The following IFT140 variants were observed in gnomAD, a reference collection of about 807,000 sequenced individuals.
The protein encoded by IFT140 is intraflagellar transport protein 140 homolog.
IFT140 carries 133 observed loss-of-function variants against 164.6 expected under a neutral mutation model. The observed-to-expected ratio is 0.81, with a 90% CI of 0.70 to 0.93. The LOEUF (loss-of-function observed/expected upper bound fraction) is 0.93, where lower values mean the gene tolerates loss of function less well. Ranked by LOEUF, IFT140 falls within the 40% of genes least tolerant of loss-of-function variation. The pLI, the probability that IFT140 is intolerant of heterozygous loss-of-function variation, is 0.00. For missense variants in IFT140, 2,045 were observed against 1,972.3 expected (o/e 1.04, Z -0.70); for synonymous variants, 860 against 817.3 (o/e 1.05, Z -0.89).
chr16:1,540,409 G>A (rs914933940), intron 19 of IFT140, among the ~76,000 whole-genome samples: 5 of 152,224 alleles, frequency 3.3e-5, no homozygotes, highest in Non-Finnish European at 4.4e-5. Context: ...TGATGCCAGC[G>A]TGCCTGCCCC....
chr16:1,589,699 A>T lies in IFT140; in HGVS notation c.716T>A (p.Met239Lys). ...ADSTIQMLFY[M>K]EKREALVVVT... ...CACCACCAGTGCCTCCCTCTTCTCC[A>T]TGTAGAACAGCATCTGAATCGTGCT... The change falls in exon 7 of 31, where the codon ATG (methionine) becomes AAG (lysine). Residue 239 changes from methionine (M) to lysine (K), a missense_variant. Physicochemically the swap from Met to Lys is moderately conservative, Grantham distance 95. Coordinates refer to ENST00000426508, the MANE Select transcript of IFT140 (RefSeq NM_014714.4). 1 of 1,614,056 alleles carries T rather than the reference A, an allele frequency of 6.2e-7. No homozygotes were observed. The highest frequency in any genetic ancestry group is 8.5e-7 in the Non-Finnish European group (1 of 1,180,008).
At chr16:1,607,924 C>T (rs1205204417) in intron 2 of IFT140, among the ~76,000 whole-genome samples, 2 of 152,164 alleles carry the variant, frequency 1.3e-5, no homozygotes. Context: ...GGATTACAGC[C>T]GTGGGCCACC....
intron 13 of IFT140, among the ~76,000 whole-genome samples, chr16:1,573,150 T>C (rs572593465): frequency 6.6e-6 from 1 of 152,168 alleles, no homozygotes. Context: ...TATTCCAAGC[T>C]GAGGAAGCTC....
At chr16:1,523,336 G>A (rs1413967952) in intron 26 of IFT140, among the ~76,000 whole-genome samples, 182 bp downstream of exon 26, 1 of 150,826 alleles carries the variant, frequency 6.6e-6, no homozygotes, top group Non-Finnish European at 1.5e-5. Flanking sequence ...GAAGGATGGC[G>A]AGTCTACACT....
chr16:1,553,521 CA>C lies in IFT140; in HGVS notation c.2399+4413del, dbSNP rs1249920766. 3.0e-6 allele frequency: 3 copies of C among 993,576 alleles called. No homozygotes were observed. The Admixed American group carries it at 1.7e-4, about 55-fold the overall frequency. 61.5% of individuals were successfully genotyped at this position (993,576 alleles called of 1,614,324 possible). On this transcript the variant is annotated intron_variant, in intron 19 of 30. Coordinates refer to ENST00000426508, the MANE Select transcript of IFT140 (RefSeq NM_014714.4). This position sits in a 1 kb window ranked among gnomAD's most constrained non-coding sequence, Gnocchi z 4.4. Reference sequence around the variant, plus strand: ...GGCGTGGCCGGAGCCTGGGGAGGGACATGGACAAGTCCTCTATGGACAAGAG... The same window carrying C: ...GGCGTGGCCGGAGCCTGGGGAGGGACTGGACAAGTCCTCTATGGACAAGAG...
intron 19 of IFT140, chr16:1,528,896 C>T (rs908080511): frequency 6.6e-6 from 1 of 152,244 alleles, no homozygotes; most frequent in Non-Finnish European, 1.5e-5. Context: ...GGAGCCCAGT[C>T]CCACGGTGGT....
Position 1,607,108 on chromosome 16 carries a change from C to A in IFT140, c.147+12G>T. The A allele has an allele frequency of 6.2e-7, 1 of 1,613,434 alleles. No individual in the cohort carries two copies. The highest frequency in any genetic ancestry group is 1.1e-5 in the South Asian group (1 of 90,988). On this transcript the variant is annotated intron_variant, in intron 3 of 30. Transcript: ENST00000426508. ...GCTACCACAGTCAGGCTCCTTGCTT[C>A]TGAGCACTCACTTGCTCCAGGTAAA...
At position 1,586,323 on chromosome 16, in the gene IFT140, C is replaced by A. The variant is rs375576140; in HGVS notation, c.1010-48G>T. 32 of 1,559,396 alleles carry A rather than the reference C, an allele frequency of 2.1e-5. No individual in the cohort carries two copies. The African/African-American group carries it at 4.2e-4, about 21-fold the overall frequency. Reference sequence around the variant, plus strand: ...TGTGAACAGAGTTAAAAAAAGGGAACAAAACAGCAACAAGCTCTGTTCTCT... The same window carrying A: ...TGTGAACAGAGTTAAAAAAAGGGAAAAAAACAGCAACAAGCTCTGTTCTCT... On this transcript the variant is annotated intron_variant, in intron 9 of 30. Coordinates refer to ENST00000426508, the MANE Select transcript of IFT140 (RefSeq NM_014714.4).
Position 1,551,663 on chromosome 16 carries a change from T to C in IFT140, c.2399+6272A>G, listed in dbSNP as rs907344105. On this transcript the variant is annotated intron_variant, in intron 19 of 30. Coordinates refer to ENST00000426508, the MANE Select transcript of IFT140 (RefSeq NM_014714.4). This position sits in a 1 kb window ranked among gnomAD's most constrained non-coding sequence, Gnocchi z 4.0. The stretch of plus-strand genomic sequence containing the variant: ...CACATTCCTCACTGTCGAACCCAAC[T>C]TCAGGACATGCTTGTTCACGGAAGA... 8.5e-5 allele frequency among the ~76,000 whole-genome samples: 13 copies of C among 152,190 alleles called. No homozygotes were observed. The highest frequency in any genetic ancestry group is 2.9e-4 in the African/African-American group (12 of 41,438).
Position 1,518,342 on chromosome 16 carries a change from G to GTCC in IFT140, c.4053_4055dup (p.Glu1351dup). 6.2e-7 allele frequency: 1 copy of GTCC among 1,613,960 alleles called. No individual in the cohort carries two copies. Among genetic ancestry groups the GTCC allele is most frequent in the South Asian group, 1.1e-5 (1 of 91,074 alleles). ...CACACTGCTTGATGGACTCCTTGGG[G>GTCC]TCCTCTGTGTACGTCCTGCCGAGAG... is the stretch of plus-strand genomic sequence containing the variant. On this transcript the variant is annotated inframe_insertion, in exon 30 of 31. Coordinates refer to ENST00000426508, the MANE Select transcript of IFT140 (RefSeq NM_014714.4).
chr16:1,534,589 T>A (rs1322453575), intron 19 of IFT140: 2 of 1,596,492 alleles, frequency 1.3e-6, no homozygotes, highest in Non-Finnish European at 1.7e-6. Context: ...GCCTTCAGCG[T>A]GGCCGAGGCT....
At chr16:1,554,078 C>T (rs1280955707) in intron 19 of IFT140, 20 of 1,286,972 alleles carry the variant, frequency 1.6e-5, no homozygotes, top group Non-Finnish European at 2.0e-5. Context: ...GAAAATCTGC[C>T]AGGGAGGAGG....
At chr16:1,571,312 G>C (rs757196585) in intron 14 of IFT140, 95 bp downstream of exon 14, 5 of 1,192,604 alleles carry the variant, frequency 4.2e-6, no homozygotes, top group Admixed American at 4.4e-5. Context: ...GGGCACCTAA[G>C]GAGTCTTCTG....
chr16:1,515,326 A>G (rs1358926890), intron 30 of IFT140, among the ~76,000 whole-genome samples: 1 of 152,202 alleles, frequency 6.6e-6, no homozygotes, highest in African/African-American at 2.4e-5. Flanking sequence ...GGCCCCACAG[A>G]CAGCCCATAG....
At chr16:1,602,647 G>T in intron 3 of IFT140, 56 bp from the exon 4 acceptor site, 1 of 1,541,856 alleles carries the variant, frequency 6.5e-7, no homozygotes, top group Non-Finnish European at 8.9e-7. Context: ...CTACTTTTAA[G>T]AACTTCTGTC....
rs1261806816 is a variant in IFT140 at position 1,551,447 on chromosome 16, G to T, written c.2399+6488C>A. ...GGGTGGAAAGGGCCACTGGGCCCCA[G>T]GGTGGCAGAAGGGCGGCCGCAGGTA... is the stretch of plus-strand genomic sequence containing the variant. On this transcript the variant is annotated intron_variant, in intron 19 of 30. Coordinates refer to ENST00000426508, the MANE Select transcript of IFT140 (RefSeq NM_014714.4). This position sits in a 1 kb window ranked among gnomAD's most constrained non-coding sequence, Gnocchi z 4.0. Among the ~76,000 whole-genome samples the T allele has an allele frequency of 6.6e-6, 1 of 152,186 alleles. No homozygotes were observed. Among genetic ancestry groups the T allele is most frequent in the African/African-American group, 2.4e-5 (1 of 41,444 alleles).
At chr16:1,534,572 T>A (rs1246397494) in intron 19 of IFT140, 2 of 1,599,334 alleles carry the variant, frequency 1.3e-6, no homozygotes, top group Admixed American at 1.7e-5. Context: ...CCAATTGTTT[T>A]CCTGATGCCT....
At chr16:1,537,922 G>A (rs1329567407) in intron 19 of IFT140, among the ~76,000 whole-genome samples, 4 of 152,210 alleles carry the variant, frequency 2.6e-5, no homozygotes, top group African/African-American at 4.8e-5. Context: ...GAATACAGGT[G>A]GAGGACAGAG....
At chr16:1,541,322 C>T (rs2031613809) in intron 19 of IFT140, 3 of 985,330 alleles carry the variant, frequency 3.0e-6, no homozygotes, top group Non-Finnish European at 3.6e-6. Context: ...CCATGTCTGA[C>T]CCCTGCTCAG....
Sources: gnomAD v4.1 joint callset for allele counts (sites outside exome capture counted in the v4.1 genomes callset) on GRCh38, gnomAD v4.1.1 for gene constraint, Gnocchi (gnomAD v3.1) non-coding constraint, MANE v1.5 for transcripts, NCBI Gene and HGNC (gene_info 2026-07-23, HGNC 2026-07-21) for gene names.